Variants in ACRBP observed in about 807,000 individuals in gnomAD.
ACRBP encodes acrosin binding protein.
Under a neutral mutation model 69.0 loss-of-function variants are expected in ACRBP, and 52 were observed. The observed-to-expected ratio is 0.75, with a 90% CI of 0.60 to 0.95. The LOEUF is 0.95. Among genes scored for constraint, ACRBP ranks in the 40% least tolerant of loss-of-function variants. The probability of loss-of-function intolerance (pLI) is 0.00; values close to 1 mark genes in which losing one functional copy is unlikely to be tolerated. For synonymous variants in ACRBP, 267 were observed against 258.9 expected (o/e 1.03, Z -0.30); for missense variants, 604 against 673.0 (o/e 0.90, Z 1.13).
Position 6,644,615 on chromosome 12 carries a change from G to A in ACRBP, c.476-10C>T. ...GTCTGGCGTTCTGTCACTACAGCAGGGTTTAGAGAGAAGGGAGAGAGACAG... is the reference window on the plus strand; with the variant it reads ...GTCTGGCGTTCTGTCACTACAGCAGAGTTTAGAGAGAAGGGAGAGAGACAG... On this transcript the variant is annotated splice_polypyrimidine_tract_variant and intron_variant, in intron 4 of 9. Coordinates refer to ENST00000229243, the MANE Select transcript of ACRBP (RefSeq NM_032489.3). The A allele has an allele frequency of 1.9e-6, 3 of 1,596,274 alleles. No homozygotes were observed. Among genetic ancestry groups the A allele is most frequent in the Non-Finnish European group, 8.5e-7 (1 of 1,171,786 alleles).
At position 6,638,142 on chromosome 12, in the gene ACRBP, G is replaced by T; in HGVS notation, c.*140C>A. 8.1e-7 allele frequency: 1 copy of T among 1,236,316 alleles called. No homozygotes were observed. Among genetic ancestry groups the T allele is most frequent in the Non-Finnish European group, 1.1e-6 (1 of 881,338 alleles). 76.6% of individuals were successfully genotyped at this position (1,236,316 alleles called of 1,614,324 possible). ...GCAGCTCCCACCGTGGCCCTCTCTG[G>T]GACTGTTGCTCCAACCCAAGGAAAT... On this transcript the variant is annotated 3_prime_UTR_variant, in exon 10 of 10. Transcript: ENST00000229243.
intron 1 of ACRBP, 145 bp from the exon 2 acceptor site, chr12:6,647,157 CA>C: frequency 9.0e-7 from 1 of 1,110,458 alleles, no homozygotes. Context: ...GAGACAGAGG[CA>C]AAGGTCCGGC....
rs1949045431 is a variant in ACRBP at position 6,640,530 on chromosome 12, AG to A, written c.1078-9del. The A allele has an allele frequency of 6.2e-7, 1 of 1,612,250 alleles. No homozygotes were observed. Among genetic ancestry groups the A allele is most frequent in the Admixed American group, 1.7e-5 (1 of 59,890 alleles). On this transcript the variant is annotated splice_polypyrimidine_tract_variant and intron_variant, in intron 6 of 9. Transcript: ENST00000229243. This position sits in a 1 kb window ranked among gnomAD's most constrained non-coding sequence, Gnocchi z 5.3. ...CCCAAGGCTGTCACAGACCTGGGGC[AG>A]GGGAATGGGTGAGGCTGAAGCTGAG...
In ACRBP at chr12:6,644,229, G is replaced by A; in HGVS notation, c.852C>T (p.Asn284=). Residue 284 remains asparagine, a synonymous_variant, in exon 5 of 10, where the codon AAC becomes AAT. Transcript: ENST00000229243. ...GGGCTGATCGAATGAGCTCCTGGATGTTCTCCATTATCATAGGAGTAGACT... is the reference window on the plus strand; with the variant it reads ...GGGCTGATCGAATGAGCTCCTGGATATTCTCCATTATCATAGGAGTAGACT... The part of the protein sequence containing the change: ...EVESTPMIME[N]IQELIRSAQE... 1 of 1,614,002 alleles carries A rather than the reference G, an allele frequency of 6.2e-7. No homozygotes were observed. Among genetic ancestry groups the A allele is most frequent in the Non-Finnish European group, 8.5e-7 (1 of 1,179,926 alleles).
In ACRBP at chr12:6,644,412, T is replaced by C. The variant is rs750670447; in HGVS notation, c.669A>G (p.Glu223=). The part of the protein sequence containing the change: ...QEEGQKQEEQ[E]EEQEEEGKQE... ...GCTTTCCCTCCTCTTCCTGTTCCTC[T>C]TCTTGCTCTTCCTGTTTCTGCCCCT... Residue 223 remains glutamate (E), a synonymous_variant, in exon 5 of 10, where the codon GAA becomes GAG. Transcript: ENST00000229243. 4 of 1,613,984 alleles carry C rather than the reference T, an allele frequency of 2.5e-6. No homozygotes were observed. In the African/African-American group the frequency reaches 5.3e-5, roughly 22 times the overall value.
chr12:6,644,505 C>T lies in ACRBP; in HGVS notation c.576G>A (p.Ala192=), dbSNP rs373212885. 50 of 1,614,046 alleles carry T rather than the reference C, an allele frequency of 3.1e-5. No homozygotes were observed. The African/African-American group carries it at 3.2e-4, about 10-fold the overall frequency. Residue 192 remains alanine (A), a synonymous_variant, in exon 5 of 10, where the codon GCG becomes GCA. Coordinates refer to ENST00000229243, the MANE Select transcript of ACRBP (RefSeq NM_032489.3). ...SSLSLGGQEQ[A]PEHKQEQGVE... is the part of the protein sequence containing the mutation. ...CTCCTTGCTCCTGCTTGTGCTCTGGCGCTTGCTCCTGGCCTCCCAGGGACA... is the reference window on the plus strand; with the variant it reads ...CTCCTTGCTCCTGCTTGTGCTCTGGTGCTTGCTCCTGGCCTCCCAGGGACA...
Position 6,640,254 on chromosome 12 carries a change from T to G in ACRBP, c.1258-27A>C, listed in dbSNP as rs1592306124. 2 of 1,612,902 alleles carry G rather than the reference T, an allele frequency of 1.2e-6. No homozygotes were observed. The highest frequency in any genetic ancestry group is 1.7e-6 in the Non-Finnish European group (2 of 1,179,324). ...TGTGGCACAGGAGATAGGGGAGAGG[T>G]GCGTGCCCCTCCCCACCTGCTGGCC... On this transcript the variant is annotated intron_variant, in intron 7 of 9. Coordinates refer to ENST00000229243, the MANE Select transcript of ACRBP (RefSeq NM_032489.3). This position sits in a 1 kb window ranked among gnomAD's most constrained non-coding sequence, Gnocchi z 5.3.
intron 5 of ACRBP, chr12:6,643,910 A>T: frequency 9.6e-7 from 1 of 1,045,748 alleles, no homozygotes; most frequent in Non-Finnish European, 1.3e-6. Flanking sequence ...ACAAGACCAG[A>T]ACCCAAGTCT....
intron 6 of ACRBP, among the ~76,000 whole-genome samples, chr12:6,642,915 C>G (rs1949062980): frequency 6.6e-6 from 1 of 152,076 alleles, no homozygotes; most frequent in Non-Finnish European, 1.5e-5. Flanking sequence ...AGAGCTGCAT[C>G]TAAGGCAAAG....
At position 6,646,918 on chromosome 12, in the gene ACRBP, G is replaced by A. The variant is rs771973803; in HGVS notation, c.138C>T (p.Phe46=). 3 of 1,614,128 alleles carry A rather than the reference G, an allele frequency of 1.9e-6. No homozygotes were observed. Residue 46 remains phenylalanine (F), a synonymous_variant, in exon 2 of 10, where the codon TTC becomes TTT. Transcript: ENST00000229243. The part of the protein sequence containing the change: ...SPLSPTEYER[F]FALLTPTWKA... ...TCCAGGTTGGAGTCAGCAGTGCGAA[G>A]AAGCGTTCGTATTCGGTAGGAGAGA... is the stretch of plus-strand genomic sequence containing the variant.
At chr12:6,645,044 G>A (rs1355002098) in intron 4 of ACRBP, among the ~76,000 whole-genome samples, 176 bp downstream of exon 4, 1 of 152,228 alleles carries the variant, frequency 6.6e-6, no homozygotes, top group African/African-American at 2.4e-5. Flanking sequence ...TCTGGTCCAG[G>A]AGAGCCCTAA....
intron 6 of ACRBP, among the ~76,000 whole-genome samples, chr12:6,642,076 A>G (rs1303007517): frequency 6.6e-6 from 1 of 152,024 alleles, no homozygotes; most frequent in Non-Finnish European, 1.5e-5. Context: ...GTTGTCCCCA[A>G]CCCACCCCAT....
At position 6,644,090 on chromosome 12, in the gene ACRBP, G is replaced by A. The variant is rs371233386; in HGVS notation, c.944+47C>T. ...AAATGGGCTTCTCACTCCCAAGAAA[G>A]GCAGAAGGGAGGGCAGGGTGGATGA... On this transcript the variant is annotated intron_variant, in intron 5 of 9. Transcript: ENST00000229243. 2.3e-5 allele frequency: 35 copies of A among 1,527,474 alleles called. No homozygotes were observed. In the African/African-American group the frequency reaches 2.8e-4, roughly 12 times the overall value. The allele number at this position is 1,527,474 out of a possible 1,614,324, so 94.6% of individuals were successfully genotyped here.
At chr12:6,647,192 A>AGGC in intron 1 of ACRBP, 132 bp downstream of exon 1, 1 of 1,177,544 alleles carries the variant, frequency 8.5e-7, no homozygotes, top group Non-Finnish European at 1.2e-6. Context: ...AGATGGGAGT[A>AGGC]TCCCAGGACC....
At chr12:6,639,527 C>T (rs1229961717) in intron 8 of ACRBP, among the ~76,000 whole-genome samples, 1 of 152,230 alleles carries the variant, frequency 6.6e-6, no homozygotes, top group Admixed American at 6.5e-5. Flanking sequence ...CTTACTTTTC[C>T]TTGCCTTGGT....
At position 6,640,276 on chromosome 12, in the gene ACRBP, G is replaced by A; in HGVS notation, c.1258-49C>T. Reference sequence around the variant, plus strand: ...AGGTGCGTGCCCCTCCCCACCTGCTGGCCACCACCACCCCACCCCTGCCAC... The same window carrying A: ...AGGTGCGTGCCCCTCCCCACCTGCTAGCCACCACCACCCCACCCCTGCCAC... On this transcript the variant is annotated intron_variant, in intron 7 of 9. Coordinates refer to ENST00000229243, the MANE Select transcript of ACRBP (RefSeq NM_032489.3). The surrounding 1 kb of genome is among the most constrained non-coding windows in gnomAD (Gnocchi z 5.3). 1 of 1,612,024 alleles carries A rather than the reference G, an allele frequency of 6.2e-7. No homozygotes were observed. Among genetic ancestry groups the A allele is most frequent in the Non-Finnish European group, 8.5e-7 (1 of 1,178,536 alleles).
chr12:6,640,441 A>G lies in ACRBP; in HGVS notation c.1159T>C (p.Ser387Pro). 6.2e-7 allele frequency: 1 copy of G among 1,614,112 alleles called. No individual in the cohort carries two copies. The highest frequency in any genetic ancestry group is 8.5e-7 in the Non-Finnish European group (1 of 1,180,018). The change falls in exon 7 of 10, where the codon TCA (serine) becomes CCA (proline). Residue 387 changes from serine (S) to proline (P), a missense_variant. Transcript: ENST00000229243. This position sits in a 1 kb window ranked among gnomAD's most constrained non-coding sequence, Gnocchi z 5.3. ...TGTTGCCGCTGCAGGCTGGCCTCTG[A>G]GTGGCACTGCTCCAGCTTCAAGGAG... ...FCSLKLEQCH[S>P]EASLQRQQCD...
rs1002287378 is a variant in ACRBP, at chr12:6,643,999, G to A, written c.944+138C>T. 6 of 1,440,964 alleles carry A rather than the reference G, an allele frequency of 4.2e-6. No homozygotes were observed. The Admixed American group carries it at 1.7e-4, about 40-fold the overall frequency. The allele number at this position is 1,440,964 out of a possible 1,614,324, so 89.3% of individuals were successfully genotyped here. On this transcript the variant is annotated intron_variant, in intron 5 of 9. Coordinates refer to ENST00000229243, the MANE Select transcript of ACRBP (RefSeq NM_032489.3). ...AGCCAACAATGGGCACAGAATTGGT[G>A]AGGCAGTTGCTAGCTGTGCCTGAAG...
chr12:6,643,138 C>T (rs1949065034), intron 6 of ACRBP, among the ~76,000 whole-genome samples: 1 of 151,978 alleles, frequency 6.6e-6, no homozygotes, highest in African/African-American at 2.4e-5. Flanking sequence ...GCCTATAGTC[C>T]CAGCTACTCG....
Sources: gnomAD v4.1 joint callset for allele counts (sites outside exome capture counted in the v4.1 genomes callset) on GRCh38, gnomAD v4.1.1 for gene constraint, Gnocchi (gnomAD v3.1) non-coding constraint, MANE v1.5 for transcripts, NCBI Gene and HGNC (gene_info 2026-07-23, HGNC 2026-07-21) for gene names.